Variants in SLF1 observed in about 807,000 individuals in gnomAD.
SLF1 encodes the protein SMC5/6 complex localization factor 1, also known as SMC5-SMC6 complex localization factor protein 1.
A neutral mutation model predicts 123.0 loss-of-function variants in SLF1; 105 were observed. That is an observed-to-expected ratio of 0.85 (90% CI 0.73 to 1.00). SLF1 has a LOEUF of 1.00. SLF1 is among the 50% of genes least tolerant of loss of function. SLF1 has a pLI of 0.00. For missense variants in SLF1, 1,239 were observed against 1,223.0 expected (o/e 1.01, Z -0.20); for synonymous variants, 434 against 406.6 (o/e 1.07, Z -0.81).
intron 9 of SLF1, among the ~76,000 whole-genome samples, chr5:94,657,364 C>T (rs777634365): frequency 6.6e-6 from 1 of 151,746 alleles, no homozygotes; most frequent in Non-Finnish European, 1.5e-5. Flanking sequence ...CAAAGTTTTT[C>T]TTACTGATTT....
chr5:94,664,784 A>T (rs1402633387), intron 11 of SLF1, among the ~76,000 whole-genome samples: 3 of 152,200 alleles, frequency 2.0e-5, no homozygotes, highest in African/African-American at 7.2e-5. Context: ...TACCCAATGT[A>T]TAGATAGAGT....
chr5:94,660,639 C>T lies in SLF1; in HGVS notation c.1156-1659C>T, dbSNP rs532229559. Reference sequence around the variant, plus strand: ...GGCCTGTCTTCAGGCTTCCAGATGGCGCTTGTGGGCACCAGTGGCAGGCAG... The same window carrying T: ...GGCCTGTCTTCAGGCTTCCAGATGGTGCTTGTGGGCACCAGTGGCAGGCAG... On this transcript the variant is annotated intron_variant, in intron 9 of 20. Transcript: ENST00000265140. Among the ~76,000 whole-genome samples, 14 of 152,282 alleles carry T rather than the reference C, an allele frequency of 9.2e-5. No homozygotes were observed. In the East Asian group the frequency reaches 1.5e-3, roughly 17 times the overall value.
At chr5:94,623,792 G>A (rs1435016422) in intron 1 of SLF1, among the ~76,000 whole-genome samples, 1 of 151,956 alleles carries the variant, frequency 6.6e-6, no homozygotes, top group East Asian at 1.9e-4. Context: ...AACATATCAG[G>A]TTTATTGTAT....
At chr5:94,632,272 C>G (rs909215153) in intron 4 of SLF1, among the ~76,000 whole-genome samples, 1 of 152,254 alleles carries the variant, frequency 6.6e-6, no homozygotes, top group East Asian at 1.9e-4. Flanking sequence ...CTTATACCAA[C>G]ACTACACTGT....
chr5:94,679,906 T>C (rs1257419101), intron 15 of SLF1, among the ~76,000 whole-genome samples: 1 of 152,212 alleles, frequency 6.6e-6, no homozygotes, highest in Non-Finnish European at 1.5e-5. Flanking sequence ...ATAGCCAGTT[T>C]AGGGAGAGTC....
Position 94,663,981 on chromosome 5 carries a change from G to C in SLF1, c.1368+73G>C, listed in dbSNP as rs571387162. 8.9e-6 allele frequency: 12 copies of C among 1,343,472 alleles called. No homozygotes were observed. In the African/African-American group the frequency reaches 1.7e-4, roughly 19 times the overall value. 83.2% of individuals were successfully genotyped at this position (1,343,472 alleles called of 1,614,324 possible). ...AAATGTGAACATTTTCTCACTTTTT[G>C]TATGTTTACAGTTTATTTTCCCTGT... On this transcript the variant is annotated intron_variant, in intron 11 of 20. Transcript: ENST00000265140.
At chr5:94,666,060 T>C (rs1355861870) in intron 12 of SLF1, 36 bp downstream of exon 12, 7 of 1,487,044 alleles carry the variant, frequency 4.7e-6, no homozygotes, top group South Asian at 1.3e-5. Flanking sequence ...CTACATTTCA[T>C]TGAGTAGTTG....
intron 14 of SLF1, among the ~76,000 whole-genome samples, chr5:94,672,215 T>A (rs764158423): frequency 6.6e-6 from 1 of 152,140 alleles, no homozygotes; most frequent in Non-Finnish European, 1.5e-5. Context: ...AACTGCTAGT[T>A]AGGTAATATC....
intron 4 of SLF1, among the ~76,000 whole-genome samples, chr5:94,633,486 A>AT (rs968960870): frequency 7.2e-5 from 11 of 152,270 alleles, no homozygotes; most frequent in African/African-American, 1.7e-4. Flanking sequence ...ATGGTGAAAG[A>AT]TTTTTTCCCC....
At chr5:94,627,750 A>ATATTT (rs1744681877) in intron 1 of SLF1, among the ~76,000 whole-genome samples, 1 of 151,410 alleles carries the variant, frequency 6.6e-6, no homozygotes, top group African/African-American at 2.4e-5. Flanking sequence ...ATGTGTCCAC[A>ATATTT]GAGACTTTAA....
chr5:94,656,206 A>G (rs1340372471), intron 9 of SLF1, among the ~76,000 whole-genome samples: 2 of 151,930 alleles, frequency 1.3e-5, no homozygotes, highest in East Asian at 1.9e-4. Flanking sequence ...AAATGATCAT[A>G]TAGTTTTTGT....
Position 94,692,196 on chromosome 5 carries a change from T to C in SLF1, c.2635T>C (p.Leu879=), listed in dbSNP as rs1224098513. ...LLTQVDGVTP[L]HDALSNGHVE... Reference sequence around the variant, plus strand: ...CACTCAAGTGGACGGGGTGACTCCTTTGCATGATGCACTGTCAAACGGACA... The same window carrying C: ...CACTCAAGTGGACGGGGTGACTCCTCTGCATGATGCACTGTCAAACGGACA... Residue 879 remains leucine (L), a synonymous_variant, in exon 20 of 21, where the codon TTG becomes CTG. Transcript: ENST00000265140. 6.2e-7 allele frequency: 1 copy of C among 1,613,836 alleles called. No homozygotes were observed. Among genetic ancestry groups the C allele is most frequent in the Non-Finnish European group, 8.5e-7 (1 of 1,179,810 alleles).
At chr5:94,627,903 C>T (rs1281389278) in intron 1 of SLF1, among the ~76,000 whole-genome samples, 1 of 151,798 alleles carries the variant, frequency 6.6e-6, no homozygotes, top group African/African-American at 2.4e-5. Context: ...GATCTCGCCT[C>T]ATGGCAACCT....
Position 94,651,843 on chromosome 5 carries a change from C to G in SLF1, c.880C>G (p.Gln294Glu), listed in dbSNP as rs754850394. 4.4e-6 allele frequency: 6 copies of G among 1,371,220 alleles called. No homozygotes were observed. The highest frequency in any genetic ancestry group is 4.8e-6 in the Non-Finnish European group (5 of 1,033,246). 84.9% of individuals were successfully genotyped at this position (1,371,220 alleles called of 1,614,324 possible). A position where few individuals can be genotyped will look rare whatever the true frequency, so the allele number is the denominator to read the frequency against. Residue 294 changes from glutamine (Q) to glutamate (E), a missense_variant and splice_region_variant, in exon 7 of 21, where the codon CAG becomes GAG. Physicochemically the swap from Gln to Glu is conservative, Grantham distance 29. Coordinates refer to ENST00000265140, the MANE Select transcript of SLF1 (RefSeq NM_032290.4). Reference protein sequence around the residue: ...NTFGSHTYENQKEIKKKDEDI... With the variant: ...NTFGSHTYENEKEIKKKDEDI... The stretch of plus-strand genomic sequence containing the variant: ...CTTTGGAAGCCATACATATGAAAAT[C>G]AGGTACAACTTTCCAAATTAAAAAT...
At chr5:94,623,085 A>G (rs974615336) in intron 1 of SLF1, among the ~76,000 whole-genome samples, 4 of 152,144 alleles carry the variant, frequency 2.6e-5, no homozygotes, top group African/African-American at 7.2e-5. Flanking sequence ...GTGTTACATT[A>G]TAAAGAATTC....
At chr5:94,692,846 G>A (rs1015970380) in intron 20 of SLF1, among the ~76,000 whole-genome samples, 2 of 152,088 alleles carry the variant, frequency 1.3e-5, no homozygotes, top group South Asian at 2.1e-4. Flanking sequence ...ATTCATCTGC[G>A]TTTTTCCTGC....
intron 9 of SLF1, among the ~76,000 whole-genome samples, chr5:94,657,168 AT>A (rs1454122592): frequency 6.6e-6 from 1 of 151,390 alleles, no homozygotes; most frequent in Non-Finnish European, 1.5e-5. Context: ...TACTTTTTAG[AT>A]ATTAGGCATT....
At chr5:94,684,697 C>CAAA (rs397882900) in intron 15 of SLF1, among the ~76,000 whole-genome samples, 6 of 68,832 alleles carry the variant, frequency 8.7e-5, no homozygotes, top group Non-Finnish European at 1.3e-4. Flanking sequence ...GACTCTGTCT[C>CAAA]AAAAAAAAAA....
chr5:94,628,027 A>G (rs1398621529), intron 1 of SLF1, among the ~76,000 whole-genome samples: 1 of 152,104 alleles, frequency 6.6e-6, no homozygotes, highest in Non-Finnish European at 1.5e-5. Flanking sequence ...GGGTTTCACC[A>G]TGTTGGTCAG....
Sources: gnomAD v4.1 joint callset for allele counts (sites outside exome capture counted in the v4.1 genomes callset) on GRCh38, gnomAD v4.1.1 for gene constraint, MANE v1.5 for transcripts, NCBI Gene and HGNC (gene_info 2026-07-23, HGNC 2026-07-21) for gene names.